Variants in EXOC6B observed in about 807,000 individuals in gnomAD.
EXOC6B encodes the protein exocyst complex component 6B, also known as SEC15 homolog B.
In EXOC6B, 54 loss-of-function variants were observed where a neutral mutation model predicts 113.5. The ratio of observed to expected loss-of-function variants is 0.48; its 90% CI spans 0.38 to 0.60. The LOEUF is 0.60. Ranked by LOEUF, EXOC6B falls within the 20% of genes least tolerant of loss-of-function variation. The probability of loss-of-function intolerance (pLI) is 0.00; values close to 1 mark genes in which losing one functional copy is unlikely to be tolerated. For synonymous variants in EXOC6B, 357 were observed against 339.0 expected, an observed-to-expected ratio of 1.05 and a Z score of -0.58; for missense variants, 797 against 977.5, an observed-to-expected ratio of 0.82 and a Z score of 2.46.
chr2:72,653,412 G>C (rs1339116281), intron 6 of EXOC6B, among the ~76,000 whole-genome samples: 3 of 104,394 alleles, frequency 2.9e-5, no homozygotes, highest in African/African-American at 1.1e-4. Context: ...GTTGTGGGGT[G>C]GGGGGAGGGG....
chr2:72,255,728 G>A (rs911961950), intron 20 of EXOC6B, among the ~76,000 whole-genome samples: 1 of 152,180 alleles, frequency 6.6e-6, no homozygotes, highest in Non-Finnish European at 1.5e-5. Context: ...CATATCTAAC[G>A]TAGATGATTT....
intron 20 of EXOC6B, among the ~76,000 whole-genome samples, chr2:72,268,723 C>T (rs1684292400): frequency 6.6e-6 from 1 of 152,072 alleles, no homozygotes. Flanking sequence ...TGAGTTCTCA[C>T]TCAGAGTTCA....
At chr2:72,799,376 C>G (rs1031494027) in intron 1 of EXOC6B, among the ~76,000 whole-genome samples, 1 of 151,816 alleles carries the variant, frequency 6.6e-6, no homozygotes, top group Non-Finnish European at 1.5e-5. Context: ...TTGAGACCAA[C>G]CTGGGCAACA....
At chr2:72,196,803 T>A (rs1464748616) in intron 20 of EXOC6B, among the ~76,000 whole-genome samples, 1 of 152,206 alleles carries the variant, frequency 6.6e-6, no homozygotes, top group East Asian at 1.9e-4. Flanking sequence ...ATTTACTAAT[T>A]AGTTTTTATG....
chr2:72,236,432 A>G (rs1210816212), intron 20 of EXOC6B, among the ~76,000 whole-genome samples: 2 of 152,194 alleles, frequency 1.3e-5, no homozygotes, highest in African/African-American at 4.8e-5. Context: ...TGTCATTACT[A>G]TCTTTAATTT....
chr2:72,578,384 A>G (rs1705004894), intron 6 of EXOC6B, among the ~76,000 whole-genome samples: 1 of 152,142 alleles, frequency 6.6e-6, no homozygotes, highest in Non-Finnish European at 1.5e-5. Flanking sequence ...ATACCCTCCA[A>G]GATGAATCTT....
rs778843930 is a variant in EXOC6B at position 72,575,590 on chromosome 2, C to G, written c.748G>C (p.Ala250Pro). The G allele has an allele frequency of 6.2e-7, 1 of 1,610,490 alleles. No homozygotes were observed. Among genetic ancestry groups the G allele is most frequent in the African/African-American group, 1.3e-5 (1 of 74,708 alleles). Residue 250 changes from alanine (A) to proline (P), a missense_variant, in exon 7 of 22, where the codon GCA becomes CCA. Transcript: ENST00000272427. Reference protein sequence around the residue: ...IGSKRKSKKDAYIIFDTEIES... With the variant: ...IGSKRKSKKDPYIIFDTEIES... ...ATCTCTGTATCAAAGATTATATATG[C>G]ATCTTTCTTAGATTTCCTCTTGCTA...
chr2:72,570,909 G>C (rs1704476480), intron 7 of EXOC6B, among the ~76,000 whole-genome samples: 1 of 152,090 alleles, frequency 6.6e-6, no homozygotes, highest in Non-Finnish European at 1.5e-5. Flanking sequence ...TGCCACAACA[G>C]TAACTATTAT....
rs904443273 is a variant in EXOC6B at position 72,249,090 on chromosome 2, C to T, written c.2197-64903G>A. ...ACCAGCCTGGGCAACATAGTGAGAG[C>T]GTGTGCCTCCAAAACAAATTTTAAA... On this transcript the variant is annotated intron_variant, in intron 20 of 21. Transcript: ENST00000272427. 2.0e-5 allele frequency among the ~76,000 whole-genome samples: 3 copies of T among 152,212 alleles called. No homozygotes were observed. In the East Asian group the frequency reaches 5.8e-4, roughly 29 times the overall value.
At chr2:72,546,082 C>A (rs766346924) in intron 8 of EXOC6B, among the ~76,000 whole-genome samples, 1 of 152,170 alleles carries the variant, frequency 6.6e-6, no homozygotes, top group Non-Finnish European at 1.5e-5. Context: ...AGTGGGAGAA[C>A]CATGTTCTAG....
rs1222250873 is a variant in EXOC6B at position 72,225,042 on chromosome 2, G to A, written c.2197-40855C>T. ...CTTTTTTTTTTTTTTAGTAGAGATG[G>A]GGTTTCGCCATGTTGTCCAGGTTGG... On this transcript the variant is annotated intron_variant, in intron 20 of 21. Coordinates refer to ENST00000272427, the MANE Select transcript of EXOC6B (RefSeq NM_015189.3). Among the ~76,000 whole-genome samples the A allele has an allele frequency of 6.0e-5, 8 of 132,958 alleles. No homozygotes were observed. In the Admixed American group the frequency reaches 6.4e-4, roughly 11 times the overall value. 87.2% of individuals were successfully genotyped at this position (132,958 alleles called of 152,430 possible).
At chr2:72,469,481 TATA>T (rs1359760868) in intron 17 of EXOC6B, among the ~76,000 whole-genome samples, 1 of 152,108 alleles carries the variant, frequency 6.6e-6, no homozygotes, top group Non-Finnish European at 1.5e-5. Context: ...TCTCACAAAT[TATA>T]ATAAGTTGTA....
rs372560536 is a variant in EXOC6B at position 72,495,460 on chromosome 2, C to G, written c.1523G>C (p.Cys508Ser). 10 of 1,602,312 alleles carry G rather than the reference C, an allele frequency of 6.2e-6. No homozygotes were observed. The highest frequency in any genetic ancestry group is 8.5e-6 in the Non-Finnish European group (10 of 1,172,756). The change falls in exon 15 of 22, where the codon TGT becomes TCT. Residue 508 changes from cysteine to serine, a missense_variant. Physicochemically the swap from Cys to Ser is moderately radical, Grantham distance 112. Coordinates refer to ENST00000272427, the MANE Select transcript of EXOC6B (RefSeq NM_015189.3). ...YNQIKEFIYACLKFSEDLHLS... is the reference protein window; with the variant it reads ...YNQIKEFIYASLKFSEDLHLS... ...ATGAAGATCTTCTGAAAACTTCAGA[C>G]AAGCGTAGATAAATTCTTTAATTTG...
chr2:72,220,670 A>G lies in EXOC6B; in HGVS notation c.2197-36483T>C, dbSNP rs151250679. On this transcript the variant is annotated intron_variant, in intron 20 of 21. Transcript: ENST00000272427. ...ATAGGGAAATTCGTGACAACATCAT[A>G]TCAAAGAAAATATTTGAAATCAATT... is the stretch of plus-strand genomic sequence containing the variant. 5.7e-4 allele frequency among the ~76,000 whole-genome samples: 87 copies of G among 152,324 alleles called. 1 individual carries two copies. Among genetic ancestry groups the G allele is most frequent in the African/African-American group, 1.9e-3 (78 of 41,572 alleles).
intron 6 of EXOC6B, among the ~76,000 whole-genome samples, chr2:72,716,011 A>C (rs1005495575): frequency 6.6e-6 from 1 of 152,230 alleles, no homozygotes. Context: ...GCTATTATTC[A>C]TCAAACCTAT....
chr2:72,369,837 C>T, intron 19 of EXOC6B, among the ~76,000 whole-genome samples: 1 of 152,186 alleles, frequency 6.6e-6, no homozygotes, highest in Non-Finnish European at 1.5e-5. Flanking sequence ...GGATCCCTTC[C>T]TTACACCTTA....
At chr2:72,807,937 AAACT>A (rs1394201095) in intron 1 of EXOC6B, among the ~76,000 whole-genome samples, 3 of 152,234 alleles carry the variant, frequency 2.0e-5, no homozygotes, top group Non-Finnish European at 4.4e-5. Context: ...TACATTTTTA[AAACT>A]AACTAAAAGA....
chr2:72,549,993 A>G (rs935781591), intron 8 of EXOC6B, among the ~76,000 whole-genome samples: 2 of 152,296 alleles, frequency 1.3e-5, no homozygotes, highest in South Asian at 2.1e-4. Flanking sequence ...AGTGCTAAGA[A>G]CAGAAGATAA....
intron 8 of EXOC6B, among the ~76,000 whole-genome samples, chr2:72,552,328 A>T (rs1703284718): frequency 6.6e-6 from 1 of 152,204 alleles, no homozygotes; most frequent in Admixed American, 6.5e-5. Flanking sequence ...CAAACATACG[A>T]TTGAAGAGAG....
Sources: allele counts gnomAD v4.1 joint callset (sites outside exome capture counted in the v4.1 genomes callset), GRCh38; gene constraint gnomAD v4.1.1; transcripts MANE v1.5; gene names NCBI Gene and HGNC (gene_info 2026-07-23, HGNC 2026-07-21).